The following NOX4 variants were observed in gnomAD, a reference collection of about 807,000 sequenced individuals.
NOX4 encodes the protein kidney oxidase-1.
A neutral mutation model predicts 87.6 loss-of-function variants in NOX4; 69 were observed. That is an observed-to-expected ratio of 0.79 (90% CI 0.65 to 0.96). NOX4 has a LOEUF of 0.96. NOX4 is among the 40% of genes least tolerant of loss of function. NOX4 has a pLI of 0.00. For missense variants in NOX4, 680 were observed against 681.5 expected, an observed-to-expected ratio of 1.00 and a Z score of 0.02; for synonymous variants, 275 against 238.2, an observed-to-expected ratio of 1.15 and a Z score of -1.42.
intron 2 of NOX4, among the ~76,000 whole-genome samples, chr11:89,454,183 T>A (rs1303353579): frequency 6.6e-6 from 1 of 152,172 alleles, no homozygotes; most frequent in South Asian, 2.1e-4. Context: ...GAATTTTTTA[T>A]GTTTTAACCT....
the NOX4 span, among the ~76,000 whole-genome samples, chr11:89,586,165 C>T: frequency 6.6e-6 from 1 of 151,802 alleles, no homozygotes; most frequent in African/African-American, 2.4e-5. Flanking sequence ...TTATCTCTAC[C>T]AAAATGATCA....
At chr11:89,573,181 C>A in the NOX4 span, among the ~76,000 whole-genome samples, 1 of 151,974 alleles carries the variant, frequency 6.6e-6, no homozygotes, top group South Asian at 2.1e-4. Context: ...TTTTTGCAGT[C>A]GGTATTCATT....
the NOX4 span, among the ~76,000 whole-genome samples, chr11:89,566,187 C>T: frequency 5.3e-5 from 8 of 151,966 alleles, no homozygotes; most frequent in Non-Finnish European, 7.4e-5. Flanking sequence ...GGACTACAGG[C>T]GCCAGCCACA....
chr11:89,471,399 G>A (rs549374640), intron 2 of NOX4, among the ~76,000 whole-genome samples: 9 of 152,196 alleles, frequency 5.9e-5, no homozygotes, highest in African/African-American at 1.9e-4. Context: ...AAATAGTCAC[G>A]AGACAGATAC....
At chr11:89,501,982 T>G (rs1481977212), upstream of NOX4, among the ~76,000 whole-genome samples, 1 of 152,070 alleles carries the variant, frequency 6.6e-6, no homozygotes, top group African/African-American at 2.4e-5. Flanking sequence ...CAAAGGAAGA[T>G]ATGTAACTTG....
rs1942605730 is a variant in NOX4 at position 89,413,655 on chromosome 11, G to A, written c.629+8247C>T. On this transcript the variant is annotated intron_variant, in intron 8 of 17. Coordinates refer to ENST00000263317, the MANE Select transcript of NOX4 (RefSeq NM_016931.5). ...AACTCGTGAAGATAGAGAGTAGAAT[G>A]ACGATTACCAGAGGCTGCGAATGAG... 2.0e-5 allele frequency among the ~76,000 whole-genome samples: 3 copies of A among 152,042 alleles called. No homozygotes were observed. In the South Asian group the frequency reaches 6.2e-4, roughly 32 times the overall value.
chr11:89,386,266 A>T (rs1940694014), intron 11 of NOX4, among the ~76,000 whole-genome samples: 1 of 152,126 alleles, frequency 6.6e-6, no homozygotes, highest in Non-Finnish European at 1.5e-5. Context: ...TGTCATCCCT[A>T]CTATCTTCTG....
chr11:89,402,442 A>G lies in NOX4; in HGVS notation c.730T>C (p.Ser244Pro). 6.2e-7 allele frequency: 1 copy of G among 1,613,110 alleles called. No individual in the cohort carries two copies. The highest frequency in any genetic ancestry group is 8.5e-7 in the Non-Finnish European group (1 of 1,179,544). The change falls in exon 9 of 18, where the codon TCA becomes CCA. Residue 244 changes from serine to proline, a missense_variant. Transcript: ENST00000263317. The stretch of plus-strand genomic sequence containing the variant: ...GGGAAAGGTTCATGAAAATGTTCTG[A>G]GAAATACTCTGGTAAGGAAATATTC... The part of the protein sequence containing the change: ...SQNISLPEYF[S>P]EHFHEPFPEG...
At chr11:89,401,813 T>C (rs2135185195) in intron 9 of NOX4, among the ~76,000 whole-genome samples, 1 of 152,240 alleles carries the variant, frequency 6.6e-6, no homozygotes, top group Middle Eastern at 3.4e-3. Context: ...ATTGCGAATA[T>C]TGCAAGAAAC....
intron 2 of NOX4, among the ~76,000 whole-genome samples, chr11:89,471,245 C>T (rs957644210): frequency 2.0e-5 from 3 of 152,126 alleles, no homozygotes; most frequent in African/African-American, 7.2e-5. Flanking sequence ...ATAAAGCTAG[C>T]AAGGGGCTGC....
At chr11:89,561,050 CATATATATATATATATATATATATATAT>C in the NOX4 span, among the ~76,000 whole-genome samples, 12 of 28,552 alleles carry the variant, frequency 4.2e-4, 1 homozygote, top group East Asian at 0.015. Flanking sequence ...ATATATCATA[CATATATATATATATATATATATATATAT>C]ATATATATCC....
chr11:89,423,870 A>T (rs746361290), intron 7 of NOX4, among the ~76,000 whole-genome samples: 1 of 151,984 alleles, frequency 6.6e-6, no homozygotes, highest in South Asian at 2.1e-4. Context: ...CCTGGAAAAC[A>T]TATTGAAACC....
chr11:89,400,864 T>G (rs1025347500), intron 9 of NOX4, among the ~76,000 whole-genome samples: 5 of 150,106 alleles, frequency 3.3e-5, no homozygotes, highest in African/African-American at 1.2e-4. Flanking sequence ...TATATATATG[T>G]TAAATATGTA....
chr11:89,352,483 T>A (rs1170036400), intron 13 of NOX4, among the ~76,000 whole-genome samples: 1 of 152,312 alleles, frequency 6.6e-6, no homozygotes, highest in South Asian at 2.1e-4. Context: ...TTCTGGTAGA[T>A]CTGGGCAATG....
At chr11:89,378,058 C>G (rs1344665415) in intron 11 of NOX4, among the ~76,000 whole-genome samples, 1 of 152,160 alleles carries the variant, frequency 6.6e-6, no homozygotes, top group Non-Finnish European at 1.5e-5. Flanking sequence ...CCTTTCATTT[C>G]TTTCCAACAG....
At position 89,402,490 on chromosome 11, in the gene NOX4, T is replaced by C; in HGVS notation, c.682A>G (p.Ser228Gly). 6.2e-7 allele frequency: 1 copy of C among 1,611,930 alleles called. No individual in the cohort carries two copies. The highest frequency in any genetic ancestry group is 8.5e-7 in the Non-Finnish European group (1 of 1,179,262). ...TTCTGAGAGCTGGTTCGGTTAAGACTGATGCAGCCGGGAGGGTGGGTATCT... is the reference window on the plus strand; with the variant it reads ...TTCTGAGAGCTGGTTCGGTTAAGACCGATGCAGCCGGGAGGGTGGGTATCT... ...NLDTHPPGCI[S>G]LNRTSSQNIS... Residue 228 changes from serine to glycine, a missense_variant, in exon 9 of 18, where the codon AGT becomes GGT. Coordinates refer to ENST00000263317, the MANE Select transcript of NOX4 (RefSeq NM_016931.5).
At chr11:89,471,295 A>G (rs1945929269) in intron 2 of NOX4, among the ~76,000 whole-genome samples, 1 of 152,160 alleles carries the variant, frequency 6.6e-6, no homozygotes, top group South Asian at 2.1e-4. Flanking sequence ...CTTACCTTTG[A>G]GGACCTCAAA....
At chr11:89,441,391 A>C (rs1042186202) in intron 5 of NOX4, among the ~76,000 whole-genome samples, 2 of 152,104 alleles carry the variant, frequency 1.3e-5, no homozygotes, top group African/African-American at 4.8e-5. Context: ...TTGTGGATTT[A>C]TTTTTTATCC....
intron 7 of NOX4, among the ~76,000 whole-genome samples, chr11:89,429,941 T>C (rs1943686779): frequency 6.6e-6 from 1 of 152,188 alleles, no homozygotes; most frequent in South Asian, 2.1e-4. Context: ...TGAACATCGA[T>C]GGAAAAATCC....
Sources: gnomAD v4.1 joint callset for allele counts (sites outside exome capture counted in the v4.1 genomes callset) on GRCh38, gnomAD v4.1.1 for gene constraint, MANE v1.5 for transcripts, NCBI Gene and HGNC (gene_info 2026-07-23, HGNC 2026-07-21) for gene names.